ZNF804B: variants seen among roughly 807,000 people sequenced by gnomAD.
ZNF804B encodes zinc finger protein 804B.
Under a neutral mutation model 101.4 loss-of-function variants are expected in ZNF804B, and 80 were observed. The ratio of observed to expected loss-of-function variants is 0.79; its 90% confidence interval spans 0.66 to 0.95. The LOEUF is 0.95. Ranked by LOEUF, ZNF804B falls within the 40% of genes least tolerant of loss-of-function variation. The probability of loss-of-function intolerance (pLI) is 0.00; values close to 1 mark genes in which losing one functional copy is unlikely to be tolerated. For missense variants in ZNF804B, 1,673 were observed against 1,561.9 expected (o/e 1.07, Z -1.20); for synonymous variants, 622 against 558.8 (o/e 1.11, Z -1.59).
intron 1 of ZNF804B, among the ~76,000 whole-genome samples, chr7:88,872,312 G>T (rs1791839293): frequency 6.6e-6 from 1 of 152,062 alleles, no homozygotes; most frequent in African/African-American, 2.4e-5. Flanking sequence ...AACACCTTGG[G>T]AGGCCAAGGC....
chr7:89,281,501 A>G (rs1041257950), intron 2 of ZNF804B, among the ~76,000 whole-genome samples: 1 of 152,208 alleles, frequency 6.6e-6, no homozygotes, highest in African/African-American at 2.4e-5. Context: ...AGTTTTTTAG[A>G]TAATACAATT....
intron 1 of ZNF804B, among the ~76,000 whole-genome samples, chr7:88,973,969 A>T (rs2116117450): frequency 6.6e-6 from 1 of 151,502 alleles, no homozygotes; most frequent in Non-Finnish European, 1.5e-5. Flanking sequence ...CTACCATAGA[A>T]AGTACAAAGC....
chr7:88,859,095 A>G (rs931534431), intron 1 of ZNF804B, among the ~76,000 whole-genome samples: 2 of 152,018 alleles, frequency 1.3e-5, no homozygotes, highest in Non-Finnish European at 2.9e-5. Flanking sequence ...ATGAGCATAT[A>G]GGTTTTATTG....
intron 1 of ZNF804B, among the ~76,000 whole-genome samples, chr7:89,168,199 T>C (rs1020018224): frequency 2.6e-5 from 4 of 152,096 alleles, no homozygotes; most frequent in African/African-American, 9.7e-5. Flanking sequence ...ATAAACTGAT[T>C]ATCATAAGCT....
chr7:89,054,176 G>A (rs1354157406), intron 1 of ZNF804B, among the ~76,000 whole-genome samples: 1 of 151,678 alleles, frequency 6.6e-6, no homozygotes, highest in African/African-American at 2.4e-5. Flanking sequence ...CTCTCCTGCT[G>A]TGTTCTTCTC....
rs187171500 is a variant in ZNF804B at position 88,950,690 on chromosome 7, G to A, written c.108+190606G>A. Among the ~76,000 whole-genome samples the A allele has an allele frequency of 2.9e-3, 440 of 151,762 alleles. 1 individual carries two copies. Among genetic ancestry groups the A allele is most frequent in the Non-Finnish European group, 4.1e-3 (276 of 67,816 alleles). The stretch of plus-strand genomic sequence containing the variant: ...TTTTTTTTCTCTTTATGCCTTTGCA[G>A]GTTTTAAGAAATTGCTACCCATATT... On this transcript the variant is annotated intron_variant, in intron 1 of 3. Transcript: ENST00000333190.
At chr7:89,289,336 T>G (rs181995084) in intron 2 of ZNF804B, among the ~76,000 whole-genome samples, 3 of 151,790 alleles carry the variant, frequency 2.0e-5, no homozygotes, top group Admixed American at 2.0e-4. Flanking sequence ...ATTCAACAAC[T>G]GTCTACGCAA....
At chr7:88,972,070 A>G (rs888094105) in intron 1 of ZNF804B, among the ~76,000 whole-genome samples, 1 of 151,566 alleles carries the variant, frequency 6.6e-6, no homozygotes, top group African/African-American at 2.4e-5. Context: ...CAGTTCCTCC[A>G]GAAGTATTTA....
chr7:89,328,185 A>G (rs1036647480), intron 3 of ZNF804B, among the ~76,000 whole-genome samples: 5 of 151,970 alleles, frequency 3.3e-5, no homozygotes, highest in African/African-American at 1.2e-4. Context: ...CTGTGCCAGA[A>G]TTTAAACACC....
At chr7:89,236,247 C>T (rs553799500) in intron 2 of ZNF804B, among the ~76,000 whole-genome samples, 5 of 151,978 alleles carry the variant, frequency 3.3e-5, no homozygotes, top group South Asian at 2.1e-4. Flanking sequence ...TCCATATGCA[C>T]GGTAACTAGA....
chr7:89,281,026 T>C (rs1790086168), intron 2 of ZNF804B, among the ~76,000 whole-genome samples: 4 of 152,222 alleles, frequency 2.6e-5, no homozygotes, highest in Admixed American at 2.0e-4. Flanking sequence ...CACCATTCTT[T>C]CACTTCATGA....
chr7:88,943,712 A>G (rs1056165522), intron 1 of ZNF804B, among the ~76,000 whole-genome samples: 4 of 151,838 alleles, frequency 2.6e-5, no homozygotes, highest in African/African-American at 7.2e-5. Context: ...ATTACCCCAA[A>G]GAGTTGCCTT....
chr7:88,913,507 G>A (rs986565199), intron 1 of ZNF804B, among the ~76,000 whole-genome samples: 8 of 152,276 alleles, frequency 5.3e-5, no homozygotes, highest in Non-Finnish European at 1.0e-4. Flanking sequence ...TGATTCTTCT[G>A]CCTCAACCTC....
intron 1 of ZNF804B, among the ~76,000 whole-genome samples, chr7:88,810,783 T>A (rs564403327): frequency 7.9e-5 from 12 of 152,296 alleles, no homozygotes; most frequent in Non-Finnish European, 1.3e-4. Context: ...AACCTTCCAA[T>A]CTTCAGCATT....
chr7:88,805,928 G>A (rs1382357377), intron 1 of ZNF804B, among the ~76,000 whole-genome samples: 2 of 150,990 alleles, frequency 1.3e-5, no homozygotes, highest in Non-Finnish European at 2.9e-5. Flanking sequence ...GGCTCTGTGT[G>A]CCTTGCGTGC....
At chr7:89,029,647 A>G (rs1788801926) in intron 1 of ZNF804B, among the ~76,000 whole-genome samples, 1 of 152,190 alleles carries the variant, frequency 6.6e-6, no homozygotes, top group Non-Finnish European at 1.5e-5. Context: ...TATTACTCTC[A>G]TCACCAACTT....
chr7:89,030,413 C>G (rs938184041), intron 1 of ZNF804B, among the ~76,000 whole-genome samples: 10 of 151,940 alleles, frequency 6.6e-5, no homozygotes, highest in Admixed American at 5.9e-4. Context: ...AATAATATTG[C>G]TATATCAGAG....
rs1270008582 is a variant in ZNF804B at position 89,015,907 on chromosome 7, G to A, written c.109-202248G>A. Among the ~76,000 whole-genome samples, 1,439 of 151,118 alleles carry A rather than the reference G, an allele frequency of 9.5e-3. 29 individuals are homozygous for A. Among genetic ancestry groups the A allele is most frequent in the African/African-American group, 0.033 (1,364 of 41,382 alleles). Reference sequence around the variant, plus strand: ...TCTAGTTCTAGATCCCTGAGGAATCGCCACACTGACTTCCACAATGGTTGA... The same window carrying A: ...TCTAGTTCTAGATCCCTGAGGAATCACCACACTGACTTCCACAATGGTTGA... On this transcript the variant is annotated intron_variant, in intron 1 of 3. Coordinates refer to ENST00000333190, the MANE Select transcript of ZNF804B (RefSeq NM_181646.5).
chr7:89,252,259 A>G (rs1789553486), intron 2 of ZNF804B, among the ~76,000 whole-genome samples: 1 of 152,220 alleles, frequency 6.6e-6, no homozygotes, highest in Non-Finnish European at 1.5e-5. Flanking sequence ...ATGAACAGAC[A>G]ATTCCCAAAA....
Sources: gnomAD v4.1 joint callset for allele counts (sites outside exome capture counted in the v4.1 genomes callset) on GRCh38, gnomAD v4.1.1 for gene constraint, MANE v1.5 for transcripts, NCBI Gene and HGNC (gene_info 2026-07-23, HGNC 2026-07-21) for gene names.